The following CCDC171 variants were observed in gnomAD, a reference collection of about 807,000 sequenced individuals.
CCDC171 encodes coiled-coil domain containing 171.
Under a neutral mutation model 168.2 loss-of-function variants are expected in CCDC171, and 177 were observed. That is an observed-to-expected ratio of 1.05 (90% CI 0.93 to 1.19). The LOEUF is 1.19. Among genes scored for constraint, CCDC171 ranks in the 50% most tolerant of loss-of-function variants. The pLI is 0.00. For missense variants in CCDC171, 1,991 were observed against 1,539.0 expected, an observed-to-expected ratio of 1.29 and a Z score of -4.91; for synonymous variants, 687 against 540.8, an observed-to-expected ratio of 1.27 and a Z score of -3.75.
At chr9:16,067,348 G>C in the CCDC171 span, among the ~76,000 whole-genome samples, 1 of 152,080 alleles carries the variant, frequency 6.6e-6, no homozygotes, top group Non-Finnish European at 1.5e-5. Context: ...GTTCATTGTA[G>C]ATTCTGGATA....
At chr9:15,671,063 G>A (rs923910435) in intron 9 of CCDC171, among the ~76,000 whole-genome samples, 1 of 152,164 alleles carries the variant, frequency 6.6e-6, no homozygotes, top group Non-Finnish European at 1.5e-5. Context: ...CTGTACTTCA[G>A]TGTGGGCGAC....
chr9:16,003,505 C>T (rs2382550), intron 3 of CCDC171, among the ~76,000 whole-genome samples: 14,957 of 152,172 alleles, frequency 0.098, 884 homozygotes, highest in South Asian at 0.22. Context: ...ACTTCCTGGG[C>T]TCAACTGCAT....
At position 15,568,492 on chromosome 9, in the gene CCDC171, G is replaced by C. The variant is rs377272951; in HGVS notation, c.42-3132G>C. On this transcript the variant is annotated intron_variant, in intron 2 of 25. Coordinates refer to ENST00000380701, the MANE Select transcript of CCDC171 (RefSeq NM_173550.4). ...TCACCGTGTTAGCCAGGATGGTCTC[G>C]ATCTCCTGACCTCGTGATCCACCCG... Among the ~76,000 whole-genome samples, 7 of 152,084 alleles carry C rather than the reference G, an allele frequency of 4.6e-5. No homozygotes were observed. In the East Asian group the frequency reaches 1.2e-3, roughly 25 times the overall value.
intron 25 of CCDC171, among the ~76,000 whole-genome samples, chr9:15,952,239 A>G (rs996471059): frequency 1.2e-4 from 19 of 152,144 alleles, no homozygotes; most frequent in Non-Finnish European, 2.5e-4. Flanking sequence ...ATTGGTCTCT[A>G]TATCTGTCTT....
chr9:15,934,138 T>C (rs1295524290), intron 25 of CCDC171, among the ~76,000 whole-genome samples: 1 of 151,648 alleles, frequency 6.6e-6, no homozygotes, highest in African/African-American at 2.4e-5. Context: ...CCATAGAAGA[T>C]ATGCAAATGC....
intron 6 of CCDC171, among the ~76,000 whole-genome samples, chr9:15,613,684 G>A (rs896307695): frequency 4.6e-5 from 7 of 151,714 alleles, no homozygotes; most frequent in African/African-American, 1.7e-4. Flanking sequence ...CACCATGCCC[G>A]GCTAATTTTT....
chr9:16,060,440 C>G (rs1413207430), intron 1 of CCDC171, among the ~76,000 whole-genome samples: 2 of 152,176 alleles, frequency 1.3e-5, no homozygotes, highest in Non-Finnish European at 2.9e-5. Context: ...TAACATGATC[C>G]TCATAAAACA....
intron 24 of CCDC171, among the ~76,000 whole-genome samples, chr9:15,916,989 T>A (rs1293417453): frequency 6.6e-6 from 1 of 151,998 alleles, no homozygotes; most frequent in African/African-American, 2.4e-5. Context: ...AATATCATGC[T>A]GTTTTGTCAT....
At chr9:15,676,970 C>G (rs531758982) in intron 9 of CCDC171, among the ~76,000 whole-genome samples, 2 of 152,176 alleles carry the variant, frequency 1.3e-5, no homozygotes, top group East Asian at 3.9e-4. Context: ...ACGTGTGTTT[C>G]CATACTTGAT....
intron 3 of CCDC171, among the ~76,000 whole-genome samples, chr9:15,576,133 T>TTGTGTGTGTG (rs202239015): frequency 6.9e-5 from 10 of 145,422 alleles, no homozygotes; most frequent in African/African-American, 2.3e-4. Flanking sequence ...CATATTTCAG[T>TTGTGTGTGTG]TGTGTGTGTG....
intron 25 of CCDC171, among the ~76,000 whole-genome samples, chr9:15,965,007 C>T (rs936635718): frequency 1.6e-4 from 24 of 152,146 alleles, no homozygotes; most frequent in African/African-American, 5.3e-4. Context: ...AGGTGATCTT[C>T]CAGCCTCGGC....
At chr9:15,557,007 C>T (rs2038861339) in intron 1 of CCDC171, among the ~76,000 whole-genome samples, 1 of 152,242 alleles carries the variant, frequency 6.6e-6, no homozygotes, top group Non-Finnish European at 1.5e-5. Flanking sequence ...AATCCTTTCC[C>T]CATTGCTTGT....
intron 7 of CCDC171, among the ~76,000 whole-genome samples, chr9:15,628,688 G>T (rs1407267061): frequency 2.0e-5 from 3 of 152,212 alleles, no homozygotes; most frequent in Admixed American, 6.5e-5. Context: ...GGTTCTCCCA[G>T]CACGCAGCTG....
chr9:15,865,343 A>G (rs548572547), intron 23 of CCDC171, among the ~76,000 whole-genome samples: 1 of 151,140 alleles, frequency 6.6e-6, no homozygotes, highest in Non-Finnish European at 1.5e-5. Context: ...ATACATACAT[A>G]TATATACACA....
At chr9:15,661,518 G>C (rs996580715) in intron 8 of CCDC171, among the ~76,000 whole-genome samples, 5 of 152,100 alleles carry the variant, frequency 3.3e-5, no homozygotes, top group East Asian at 3.8e-4. Context: ...AAAGTGAAAA[G>C]TTTATATTTG....
chr9:15,895,048 T>G (rs745666165), intron 24 of CCDC171, among the ~76,000 whole-genome samples: 2 of 152,074 alleles, frequency 1.3e-5, no homozygotes, highest in African/African-American at 2.4e-5. Flanking sequence ...AGGAAAAAAG[T>G]AGGAGGTTTG....
intron 18 of CCDC171, among the ~76,000 whole-genome samples, chr9:15,760,845 G>A (rs986747673): frequency 3.9e-5 from 6 of 152,034 alleles, no homozygotes; most frequent in Non-Finnish European, 8.8e-5. Context: ...CTGGACAGGT[G>A]GCAACCTTCT....
chr9:15,845,631 T>C (rs2060863448), intron 21 of CCDC171: 2 of 152,090 alleles, frequency 1.3e-5, no homozygotes, highest in South Asian at 4.1e-4. Context: ...TTGTTTATTC[T>C]TTACTAGATA....
At chr9:16,077,873 G>A in the CCDC171 span, among the ~76,000 whole-genome samples, 398 of 152,312 alleles carry the variant, frequency 2.6e-3, 1 homozygote, top group African/African-American at 7.6e-3. Flanking sequence ...GCTGGTTTCA[G>A]TACCCAGGAA....
Sources: allele counts gnomAD v4.1 joint callset (sites outside exome capture counted in the v4.1 genomes callset), GRCh38; gene constraint gnomAD v4.1.1; transcripts MANE v1.5; gene names NCBI Gene and HGNC (gene_info 2026-07-23, HGNC 2026-07-21).